The following POLR1B variants were observed in gnomAD, a reference collection of about 807,000 sequenced individuals.
POLR1B encodes the protein RNA polymerase I subunit B.
Under a neutral mutation model 105.8 loss-of-function variants are expected in POLR1B, and 30 were observed. The observed-to-expected ratio is 0.28, with a 90% CI of 0.21 to 0.38. The LOEUF is 0.38. Among genes scored for constraint, POLR1B ranks in the 10% least tolerant of loss-of-function variants. POLR1B has a pLI of 1.00. For missense variants in POLR1B, 976 were observed against 1,435.8 expected (o/e 0.68, Z 5.17); for synonymous variants, 485 against 505.1 (o/e 0.96, Z 0.53).
At chr2:112,542,216 C>T (rs1682784394), upstream of POLR1B, 14 of 1,535,610 alleles carry the variant, frequency 9.1e-6, no homozygotes, top group East Asian at 2.4e-5. Flanking sequence ...CGGCATCTTT[C>T]GCGAGCGGGG....
At chr2:112,572,449 T>A (rs1298207330) in intron 12 of POLR1B, 113 bp from the exon 13 acceptor site, 2 of 748,164 alleles carry the variant, frequency 2.7e-6, no homozygotes, top group East Asian at 5.5e-5. Context: ...ACCATGACTA[T>A]TTATTTGTTC....
rs1162299354 is a variant in POLR1B, at chr2:112,578,770, TATAC to T, written c.*3050_*3053del. Among the ~76,000 whole-genome samples, 3 of 152,198 alleles carry T rather than the reference TATAC, an allele frequency of 2.0e-5. No individual in the cohort carries two copies. Among genetic ancestry groups the T allele is most frequent in the East Asian group, 1.9e-4 (1 of 5,204 alleles). On this transcript the variant is annotated 3_prime_UTR_variant, in exon 15 of 15. Coordinates refer to ENST00000263331, the MANE Select transcript of POLR1B (RefSeq NM_019014.6). ...CTATATGTCCTCTATATATTTTTTC[TATAC>T]ATACATACCTTTGATGTTTAATTAA...
intron 14 of POLR1B, 150 bp downstream of exon 14, chr2:112,573,965 G>A: frequency 1.1e-6 from 1 of 923,704 alleles, no homozygotes; most frequent in Non-Finnish European, 1.6e-6. Flanking sequence ...TCTCGCCTCA[G>A]CCTTTGAGTA....
At chr2:112,561,280 G>T (rs773290258) in intron 9 of POLR1B, among the ~76,000 whole-genome samples, 4 of 152,128 alleles carry the variant, frequency 2.6e-5, no homozygotes, top group Non-Finnish European at 5.9e-5. Context: ...ATATCCAACT[G>T]CAGAAAAAGA....
At chr2:112,549,140 T>A in intron 3 of POLR1B, 127 bp from the exon 4 acceptor site, 1 of 1,001,040 alleles carries the variant, frequency 1.0e-6, no homozygotes, top group Non-Finnish European at 1.5e-6. Context: ...TTTCAAGGGA[T>A]CAGTAGTACA....
rs775876219 is a variant in POLR1B at position 112,572,714 on chromosome 2, G to A, written c.2227G>A (p.Val743Ile). ...CTATCCAATTGGGACCAATGCCATCGTTGCTGTGATTTCTTACACTGGCTA... is the reference window on the plus strand; with the variant it reads ...CTATCCAATTGGGACCAATGCCATCATTGCTGTGATTTCTTACACTGGCTA... ...DNYPIGTNAI[V>I]AVISYTGYDM... Residue 743 changes from valine to isoleucine, a missense_variant, in exon 13 of 15, where the codon GTT becomes ATT. Around this residue, in one of 12 missense-constraint regions of POLR1B, gnomAD observed 46 missense variants for 66.8 expected, o/e 0.69. Coordinates refer to ENST00000263331, the MANE Select transcript of POLR1B (RefSeq NM_019014.6). 1.7e-5 allele frequency: 27 copies of A among 1,610,640 alleles called. No homozygotes were observed. The highest frequency in any genetic ancestry group is 1.6e-4 in the East Asian group (7 of 44,792).
Position 112,550,859 on chromosome 2 carries a change from T to G in POLR1B, c.626-7T>G. 1 of 1,612,852 alleles carries G rather than the reference T, an allele frequency of 6.2e-7. No homozygotes were observed. The highest frequency in any genetic ancestry group is 8.5e-7 in the Non-Finnish European group (1 of 1,179,496). On this transcript the variant is annotated splice_region_variant and splice_polypyrimidine_tract_variant and intron_variant, in intron 4 of 14. Coordinates refer to ENST00000263331, the MANE Select transcript of POLR1B (RefSeq NM_019014.6). ...GTTTCTGATTTTTTTGTTGTTTGGT[T>G]CAATAGGAGTTTCAATGCACTGTGT...
intron 7 of POLR1B, among the ~76,000 whole-genome samples, chr2:112,556,392 G>T (rs958160884): frequency 3.3e-5 from 5 of 152,268 alleles, no homozygotes; most frequent in Middle Eastern, 6.8e-3. Context: ...GAGATTCATT[G>T]TAACATTTTA....
intron 7 of POLR1B, among the ~76,000 whole-genome samples, chr2:112,555,113 G>A (rs1222098214): frequency 6.6e-6 from 1 of 152,110 alleles, no homozygotes; most frequent in Non-Finnish European, 1.5e-5. Flanking sequence ...CCTGGGAGAC[G>A]GAGGTTACAG....
chr2:112,573,309 G>A (rs182562318), intron 13 of POLR1B, among the ~76,000 whole-genome samples: 8 of 152,138 alleles, frequency 5.3e-5, no homozygotes, highest in Non-Finnish European at 1.0e-4. Flanking sequence ...CACCATGTTG[G>A]CCAGGCTGGT....
Position 112,564,349 on chromosome 2 carries a change from T to A in POLR1B, c.1613-17T>A. 2 of 1,613,616 alleles carry A rather than the reference T, an allele frequency of 1.2e-6. No homozygotes were observed. The highest frequency in any genetic ancestry group is 1.7e-6 in the Non-Finnish European group (2 of 1,179,622). On this transcript the variant is annotated splice_polypyrimidine_tract_variant and intron_variant, in intron 9 of 14. Transcript: ENST00000263331. ...GAAGCATTCTGATGTGATTGTGCTG[T>A]TTGTTTCCTTTACCAGGGGTCACTC...
Position 112,575,165 on chromosome 2 carries a change from A to G in POLR1B, c.2844A>G (p.Thr948=), listed in dbSNP as rs759834382. ...TGCATGGTCTCTGCCATGATGCTAC[A>G]CCCTTCATCTTCTCAGAGGAGAACT... ...AALHGLCHDA[T]PFIFSEENSA... is the part of the protein sequence containing the mutation. Residue 948 remains threonine (T), a synonymous_variant, in exon 15 of 15, where the codon ACA becomes ACG. Transcript: ENST00000263331. This position sits in a 1 kb window ranked among gnomAD's most constrained non-coding sequence, Gnocchi z 5.3. 1 of 1,613,978 alleles carries G rather than the reference A, an allele frequency of 6.2e-7. No homozygotes were observed. The highest frequency in any genetic ancestry group is 1.1e-5 in the South Asian group (1 of 91,074).
chr2:112,546,830 T>G, intron 1 of POLR1B, 182 bp from the exon 2 acceptor site: 3 of 516,228 alleles, frequency 5.8e-6, no homozygotes, highest in Non-Finnish European at 1.0e-5. Context: ...CCCAAAGTGC[T>G]GAGATTACAG....
In POLR1B at chr2:112,572,689, C is replaced by T; in HGVS notation, c.2202C>T (p.Asn734=). The T allele has an allele frequency of 6.2e-7, 1 of 1,613,212 alleles. No homozygotes were observed. Among genetic ancestry groups the T allele is most frequent in the Non-Finnish European group, 8.5e-7 (1 of 1,179,534 alleles). ...TGTATGATTATTATGACATGGATAA[C>T]TATCCAATTGGGACCAATGCCATCG... is the stretch of plus-strand genomic sequence containing the variant. The part of the protein sequence containing the change: ...PSMYDYYDMD[N]YPIGTNAIVA... Residue 734 remains asparagine (N), a synonymous_variant, in exon 13 of 15, where the codon AAC becomes AAT. Coordinates refer to ENST00000263331, the MANE Select transcript of POLR1B (RefSeq NM_019014.6).
At chr2:112,545,224 A>T (rs1314881124) in intron 1 of POLR1B, among the ~76,000 whole-genome samples, 2 of 152,236 alleles carry the variant, frequency 1.3e-5, no homozygotes, top group African/African-American at 4.8e-5. Flanking sequence ...CATGCATTTA[A>T]CATAGGCTTT....
chr2:112,548,443 A>G (rs1278562256), intron 3 of POLR1B, among the ~76,000 whole-genome samples: 2 of 152,222 alleles, frequency 1.3e-5, no homozygotes, highest in Non-Finnish European at 2.9e-5. Context: ...GGCAATTCGT[A>G]AATAGTAGCT....
intron 9 of POLR1B, 169 bp from the exon 10 acceptor site, chr2:112,564,197 C>T (rs1684159288): frequency 1.4e-6 from 1 of 733,868 alleles, no homozygotes; most frequent in Non-Finnish European, 2.1e-6. Flanking sequence ...GATAAGCCTG[C>T]TTGAAATATC....
rs768291889 is a variant in POLR1B at position 112,552,002 on chromosome 2, T to G, written c.986+4T>G. Reference sequence around the variant, plus strand: ...AAGCTGCGGAGTTCCTGTTTAAGTATGTGTGCTTTGTCTAAACTGTTTTTG... The same window carrying G: ...AAGCTGCGGAGTTCCTGTTTAAGTAGGTGTGCTTTGTCTAAACTGTTTTTG... On this transcript the variant is annotated splice_donor_region_variant and intron_variant, in intron 6 of 14. Transcript: ENST00000263331. 2 of 1,611,666 alleles carry G rather than the reference T, an allele frequency of 1.2e-6. No homozygotes were observed. The highest frequency in any genetic ancestry group is 1.7e-6 in the Non-Finnish European group (2 of 1,177,794).
rs1376142190 is a variant in POLR1B at position 112,577,874 on chromosome 2, C to A, written c.*2145C>A. Among the ~76,000 whole-genome samples the A allele has an allele frequency of 4.8e-5, 7 of 147,062 alleles. No individual in the cohort carries two copies. The highest frequency in any genetic ancestry group is 1.0e-4 in the Non-Finnish European group (7 of 66,792). On this transcript the variant is annotated 3_prime_UTR_variant, in exon 15 of 15. Transcript: ENST00000263331. The stretch of plus-strand genomic sequence containing the variant: ...AAAAGCGGGGAGGCATAAGAAAAAA[C>A]CAATTTAATAGAAAAGATAGGCTTT...
Sources: allele counts gnomAD v4.1 joint callset (sites outside exome capture counted in the v4.1 genomes callset), GRCh38; gene constraint gnomAD v4.1.1; regional missense constraint gnomAD v4.1.1; non-coding constraint Gnocchi (gnomAD v3.1); transcripts MANE v1.5; gene names NCBI Gene and HGNC (gene_info 2026-07-23, HGNC 2026-07-21).